Variants in ADGRB3 observed in about 807,000 individuals in gnomAD.
ADGRB3 encodes adhesion G protein-coupled receptor B3.
A neutral mutation model predicts 193.4 loss-of-function variants in ADGRB3; 37 were observed. That is an observed-to-expected ratio of 0.19 (90% CI 0.15 to 0.25). The LOEUF (loss-of-function observed/expected upper bound fraction) is 0.25. Among genes scored for constraint, ADGRB3 ranks in the 10% least tolerant of loss-of-function variants. The pLI is 1.00. For missense variants in ADGRB3, 1,637 were observed against 1,852.9 expected (o/e 0.88, Z 2.14); for synonymous variants, 690 against 644.2 (o/e 1.07, Z -1.08).
At chr6:68,780,557 G>T (rs1318378284) in intron 3 of ADGRB3, among the ~76,000 whole-genome samples, 1 of 152,054 alleles carries the variant, frequency 6.6e-6, no homozygotes, top group Non-Finnish European at 1.5e-5. Flanking sequence ...ATTAAGAAAT[G>T]GATGAGCACC....
intron 17 of ADGRB3, among the ~76,000 whole-genome samples, chr6:69,144,009 A>G (rs904138792): frequency 2.6e-5 from 4 of 152,222 alleles, no homozygotes; most frequent in South Asian, 2.1e-4. Flanking sequence ...CTTCCAATCC[A>G]TGAACACAGA....
intron 3 of ADGRB3, among the ~76,000 whole-genome samples, chr6:68,706,939 G>T (rs542944784): frequency 6.6e-6 from 1 of 151,804 alleles, no homozygotes; most frequent in Non-Finnish European, 1.5e-5. Flanking sequence ...GCGAAACCCC[G>T]TCTCTACTAA....
At chr6:69,184,206 C>A (rs1765016689) in intron 17 of ADGRB3, among the ~76,000 whole-genome samples, 1 of 152,022 alleles carries the variant, frequency 6.6e-6, no homozygotes, top group South Asian at 2.1e-4. Flanking sequence ...TTTATAGGCC[C>A]ATCCATTACA....
At chr6:68,809,792 A>G (rs1004394187) in intron 3 of ADGRB3, among the ~76,000 whole-genome samples, 3 of 152,162 alleles carry the variant, frequency 2.0e-5, no homozygotes, top group Admixed American at 2.0e-4. Context: ...TGTGGTAAAA[A>G]CATATTAGTC....
At chr6:68,814,173 A>G (rs1767577709) in intron 3 of ADGRB3, among the ~76,000 whole-genome samples, 2 of 152,204 alleles carry the variant, frequency 1.3e-5, no homozygotes, top group Admixed American at 1.3e-4. Context: ...AGTCCCACCA[A>G]CAGTGTAGAA....
chr6:69,193,616 T>C (rs1765241719), intron 17 of ADGRB3, among the ~76,000 whole-genome samples: 1 of 152,080 alleles, frequency 6.6e-6, no homozygotes, highest in Non-Finnish European at 1.5e-5. Context: ...AGAGGTAGCA[T>C]CATGTGGTAA....
intron 16 of ADGRB3, among the ~76,000 whole-genome samples, chr6:69,072,543 GT>G (rs1772105463): frequency 6.6e-6 from 1 of 151,000 alleles, no homozygotes; most frequent in Admixed American, 6.6e-5. Flanking sequence ...TTTTTTTTTT[GT>G]TGTGGCTTAC....
intron 17 of ADGRB3, among the ~76,000 whole-genome samples, chr6:69,127,095 C>T (rs1215919949): frequency 6.6e-6 from 1 of 152,170 alleles, no homozygotes; most frequent in African/African-American, 2.4e-5. Context: ...CTGTTCCCAC[C>T]ATGGGGATAT....
chr6:69,075,784 A>G (rs762282502), intron 16 of ADGRB3, among the ~76,000 whole-genome samples: 2 of 152,178 alleles, frequency 1.3e-5, no homozygotes, highest in Non-Finnish European at 2.9e-5. Flanking sequence ...TTTGGAATAA[A>G]GATATTGTTT....
intron 3 of ADGRB3, among the ~76,000 whole-genome samples, chr6:68,805,021 G>C (rs775223175): frequency 1.3e-5 from 2 of 151,934 alleles, no homozygotes; most frequent in Non-Finnish European, 2.9e-5. Context: ...TCCAACTCCT[G>C]GGCTCAAACA....
chr6:69,304,249 G>A (rs1768015673), intron 20 of ADGRB3, among the ~76,000 whole-genome samples: 2 of 149,212 alleles, frequency 1.3e-5, no homozygotes, highest in African/African-American at 5.1e-5. Context: ...ATTATATTGA[G>A]TGAATAATTA....
At chr6:69,059,979 G>A (rs1437185280) in intron 15 of ADGRB3, among the ~76,000 whole-genome samples, 1 of 151,836 alleles carries the variant, frequency 6.6e-6, no homozygotes, top group Admixed American at 6.6e-5. Flanking sequence ...TAAAAATCTT[G>A]CTCTCATTGA....
At chr6:68,877,831 G>A (rs1765634252) in intron 3 of ADGRB3, among the ~76,000 whole-genome samples, 1 of 151,982 alleles carries the variant, frequency 6.6e-6, no homozygotes, top group African/African-American at 2.4e-5. Flanking sequence ...GATACATTTT[G>A]CTGAATAACT....
intron 3 of ADGRB3, among the ~76,000 whole-genome samples, chr6:68,887,356 G>A (rs1320220716): frequency 1.3e-5 from 2 of 152,038 alleles, no homozygotes; most frequent in Admixed American, 1.3e-4. Context: ...GCTTGCATTT[G>A]AGGGGGAATT....
chr6:69,340,803 C>T (rs561721935), intron 26 of ADGRB3, among the ~76,000 whole-genome samples: 1 of 152,206 alleles, frequency 6.6e-6, no homozygotes, highest in African/African-American at 2.4e-5. Context: ...TGTGTTGTTA[C>T]CCTCCCTGTG....
chr6:68,928,197 TAAG>T (rs1767236246), intron 3 of ADGRB3, among the ~76,000 whole-genome samples: 1 of 152,158 alleles, frequency 6.6e-6, no homozygotes, highest in African/African-American at 2.4e-5. Flanking sequence ...GTTTTAAACT[TAAG>T]AAAGTGTTAA....
chr6:69,231,915 T>A (rs1766149176), intron 17 of ADGRB3, among the ~76,000 whole-genome samples: 1 of 152,182 alleles, frequency 6.6e-6, no homozygotes, highest in South Asian at 2.1e-4. Flanking sequence ...AAGGATGGTG[T>A]GAATTATATT....
At chr6:68,824,150 A>G (rs1030649361) in intron 3 of ADGRB3, among the ~76,000 whole-genome samples, 2 of 152,094 alleles carry the variant, frequency 1.3e-5, no homozygotes, top group Non-Finnish European at 2.9e-5. Context: ...GGTGCATTGT[A>G]TCTATTTTAT....
chr6:69,235,595 A>G (rs956503034), intron 19 of ADGRB3, among the ~76,000 whole-genome samples: 7 of 152,070 alleles, frequency 4.6e-5, no homozygotes, highest in Non-Finnish European at 8.8e-5. Context: ...GAACCCTTCT[A>G]TGCTATTGAA....
Sources: allele counts gnomAD v4.1 joint callset (sites outside exome capture counted in the v4.1 genomes callset), GRCh38; gene constraint gnomAD v4.1.1; transcripts MANE v1.5; gene names NCBI Gene and HGNC (gene_info 2026-07-23, HGNC 2026-07-21).